The following R3HDM1 variants were observed in gnomAD, a reference collection of about 807,000 sequenced individuals.
The protein encoded by R3HDM1 is R3H domain-containing protein 1.
R3HDM1 carries 46 observed loss-of-function variants against 141.1 expected under a neutral mutation model. The ratio of observed to expected loss-of-function variants is 0.33; its 90% CI spans 0.26 to 0.42. R3HDM1 has a LOEUF of 0.42. Ranked by LOEUF, R3HDM1 falls within the 10% of genes least tolerant of loss-of-function variation. The pLI is 1.00. For missense variants in R3HDM1, 1,184 were observed against 1,368.3 expected (o/e 0.87, Z 2.12); for synonymous variants, 435 against 472.9 (o/e 0.92, Z 1.04).
intron 21 of R3HDM1, among the ~76,000 whole-genome samples, chr2:135,702,221 A>AGG (rs2074295529): frequency 2.1e-5 from 1 of 46,638 alleles, no homozygotes; most frequent in Non-Finnish European, 1.7e-4. Context: ...CAGGGGGAAA[A>AGG]AAAAAAAAAA....
rs564810875 is a variant in R3HDM1 at position 135,531,662 on chromosome 2, A to G, written c.-250+29A>G. The G allele has an allele frequency of 3.9e-5, 38 of 985,852 alleles. No individual in the cohort carries two copies. In the East Asian group the frequency reaches 1.5e-3, roughly 38 times the overall value. The allele number at this position is 985,852 out of a possible 1,614,324, so 61.1% of individuals were successfully genotyped here. A position where few individuals can be genotyped will look rare whatever the true frequency, so the allele number is the denominator to read the frequency against. Reference sequence around the variant, plus strand: ...AGAGATGCCCTTCCCTCCCCCGTCCAGCTCCCCGGGAATAACGCGCCTTGC... The same window carrying G: ...AGAGATGCCCTTCCCTCCCCCGTCCGGCTCCCCGGGAATAACGCGCCTTGC... On this transcript the variant is annotated intron_variant, in intron 1 of 26. Coordinates refer to ENST00000683871, the MANE Select transcript of R3HDM1 (RefSeq NM_001378107.1).
At chr2:135,545,378 G>T (rs1474204158) in intron 1 of R3HDM1, among the ~76,000 whole-genome samples, 1 of 152,150 alleles carries the variant, frequency 6.6e-6, no homozygotes, top group African/African-American at 2.4e-5. Flanking sequence ...AAAAAAGGAG[G>T]TTGAGGTTAG....
intron 20 of R3HDM1, 138 bp downstream of exon 20, chr2:135,675,624 A>G: frequency 1.1e-6 from 1 of 889,700 alleles, no homozygotes; most frequent in South Asian, 3.0e-5. Flanking sequence ...ATACAGGAAA[A>G]ACACTTCTGT....
intron 1 of R3HDM1, among the ~76,000 whole-genome samples, chr2:135,563,639 A>G (rs1305508251): frequency 6.6e-6 from 1 of 152,216 alleles, no homozygotes; most frequent in African/African-American, 2.4e-5. Context: ...GTAAATACCC[A>G]AAGCCCAGTG....
chr2:135,643,554 A>G (rs1016071304), intron 15 of R3HDM1, among the ~76,000 whole-genome samples: 8 of 152,170 alleles, frequency 5.3e-5, no homozygotes, highest in African/African-American at 1.9e-4. Context: ...CTTTTTATGT[A>G]GTCCCTTCTT....
intron 18 of R3HDM1, among the ~76,000 whole-genome samples, chr2:135,655,201 G>A (rs898247510): frequency 1.3e-5 from 2 of 151,908 alleles, no homozygotes; most frequent in African/African-American, 2.4e-5. Flanking sequence ...TTGAATATTG[G>A]CGTGAGGCAA....
At chr2:135,638,116 T>C (rs1192975852) in intron 11 of R3HDM1, among the ~76,000 whole-genome samples, 4 of 152,112 alleles carry the variant, frequency 2.6e-5, no homozygotes, top group Non-Finnish European at 4.4e-5. Flanking sequence ...TTATATAAAA[T>C]GGGCAAAAAA....
At chr2:135,549,659 A>G (rs1216676201) in intron 1 of R3HDM1, among the ~76,000 whole-genome samples, 1 of 151,914 alleles carries the variant, frequency 6.6e-6, no homozygotes, top group Non-Finnish European at 1.5e-5. Context: ...CAGCTTATAT[A>G]GTTCCTTTTA....
At chr2:135,638,506 C>A in intron 11 of R3HDM1, 112 bp from the exon 12 acceptor site, 1 of 1,114,634 alleles carries the variant, frequency 9.0e-7, no homozygotes, top group Non-Finnish European at 1.3e-6. Flanking sequence ...CCCTTATCAC[C>A]ATTTTTAACT....
chr2:135,666,552 T>G (rs544751957), intron 19 of R3HDM1, among the ~76,000 whole-genome samples: 1 of 152,202 alleles, frequency 6.6e-6, no homozygotes, highest in South Asian at 2.1e-4. Flanking sequence ...GAGCCAAATA[T>G]ATCTGGTAAG....
chr2:135,682,000 T>A lies in R3HDM1; in HGVS notation c.2459+1676T>A, dbSNP rs116116773. On this transcript the variant is annotated intron_variant, in intron 21 of 26. Transcript: ENST00000683871. ...AAATTTCGCATTTGTTGTGTGAGTT[T>A]AAATTTTATAAATAAGGAAAAAATA... Among the ~76,000 whole-genome samples the A allele has an allele frequency of 3.0e-3, 449 of 150,814 alleles. 3 individuals are homozygous for A. The highest frequency in any genetic ancestry group is 0.01 in the African/African-American group (418 of 40,986).
At chr2:135,640,646 A>G (rs2063705192) in intron 14 of R3HDM1, among the ~76,000 whole-genome samples, 1 of 152,188 alleles carries the variant, frequency 6.6e-6, no homozygotes, top group Non-Finnish European at 1.5e-5. Flanking sequence ...TTCAGAAGGC[A>G]ATCTGTATAG....
chr2:135,562,418 T>G (rs577233812), intron 1 of R3HDM1, among the ~76,000 whole-genome samples: 141 of 152,370 alleles, frequency 9.3e-4, no homozygotes, highest in Non-Finnish European at 1.6e-3. Context: ...TGATATGACT[T>G]ATTCTGTCAA....
chr2:135,655,477 TTTC>T (rs1438267365), intron 18 of R3HDM1, among the ~76,000 whole-genome samples: 1 of 151,900 alleles, frequency 6.6e-6, no homozygotes, highest in African/African-American at 2.4e-5. Flanking sequence ...TCTTTTTCTT[TTTC>T]TTTTTTTTGT....
At chr2:135,695,056 G>A (rs1455218333) in intron 21 of R3HDM1, among the ~76,000 whole-genome samples, 2 of 152,012 alleles carry the variant, frequency 1.3e-5, no homozygotes, top group Non-Finnish European at 2.9e-5. Context: ...CCTGTTGCCC[G>A]CCCCCCAAAA....
chr2:135,601,417 C>A (rs2059613235), intron 1 of R3HDM1, among the ~76,000 whole-genome samples: 1 of 152,150 alleles, frequency 6.6e-6, no homozygotes, highest in Non-Finnish European at 1.5e-5. Flanking sequence ...GTGAGTTACT[C>A]TATAATGCAT....
At chr2:135,583,144 T>C (rs1339550008) in intron 1 of R3HDM1, among the ~76,000 whole-genome samples, 1 of 152,244 alleles carries the variant, frequency 6.6e-6, no homozygotes, top group Non-Finnish European at 1.5e-5. Context: ...CTTCAGTTGC[T>C]CCTCAGATTC....
intron 16 of R3HDM1, among the ~76,000 whole-genome samples, chr2:135,646,983 T>C (rs1264883175): frequency 6.6e-6 from 1 of 151,894 alleles, no homozygotes; most frequent in Non-Finnish European, 1.5e-5. Context: ...TTGAAGAACA[T>C]ACAAGTTTAA....
intron 17 of R3HDM1, chr2:135,651,349 T>G: frequency 1.0e-6 from 1 of 984,246 alleles, no homozygotes; most frequent in Non-Finnish European, 1.2e-6. Flanking sequence ...TGCTCATTGC[T>G]TGGTCTTTGA....
Sources: gnomAD v4.1 joint callset for allele counts (sites outside exome capture counted in the v4.1 genomes callset) on GRCh38, gnomAD v4.1.1 for gene constraint, MANE v1.5 for transcripts, NCBI Gene and HGNC (gene_info 2026-07-23, HGNC 2026-07-21) for gene names.